The following TIMD4 variants were observed in gnomAD, a reference collection of about 807,000 sequenced individuals.
TIMD4 encodes the protein T-cell immunoglobulin and mucin domain-containing protein 4.
Under a neutral mutation model 41.2 loss-of-function variants are expected in TIMD4, and 31 were observed. That is an observed-to-expected ratio of 0.75 (90% CI 0.57 to 1.01). TIMD4 has a LOEUF of 1.01. Among genes scored for constraint, TIMD4 ranks in the 50% least tolerant of loss-of-function variants. The pLI, the probability that TIMD4 is intolerant of heterozygous loss-of-function variation, is 0.00. For missense variants in TIMD4, 479 were observed against 472.5 expected, an observed-to-expected ratio of 1.01 and a Z score of -0.13; for synonymous variants, 204 against 177.1, an observed-to-expected ratio of 1.15 and a Z score of -1.21.
Position 156,963,212 on chromosome 5 carries a change from C to T in TIMD4, c.-14G>A, listed in dbSNP as rs780895941. 6.6e-5 allele frequency: 106 copies of T among 1,613,896 alleles called. No homozygotes were observed. The highest frequency in any genetic ancestry group is 3.6e-5 in the Non-Finnish European group (43 of 1,179,938). On this transcript the variant is annotated 5_prime_UTR_variant, in exon 1 of 9. Transcript: ENST00000274532. ...TTCTTTGGACATTTTGACGGTTGAC[C>T]GGACCCAGGAGTCTGTCTATCTATC...
intron 5 of TIMD4, among the ~76,000 whole-genome samples, chr5:156,948,202 T>C (rs1414896338): frequency 6.6e-6 from 1 of 151,620 alleles, no homozygotes; most frequent in African/African-American, 2.4e-5. Context: ...AAGCCACTCA[T>C]GAGAACACAG....
intron 5 of TIMD4, among the ~76,000 whole-genome samples, chr5:156,946,567 C>G (rs980898715): frequency 1.3e-5 from 2 of 152,104 alleles, no homozygotes; most frequent in Non-Finnish European, 2.9e-5. Flanking sequence ...AGCTCCGCCT[C>G]CCAGGTTCAC....
chr5:156,948,851 G>C (rs1759796053), intron 4 of TIMD4, among the ~76,000 whole-genome samples: 1 of 152,180 alleles, frequency 6.6e-6, no homozygotes, highest in South Asian at 2.1e-4. Flanking sequence ...GTGTCCCTGT[G>C]CTGTACTATC....
intron 5 of TIMD4, among the ~76,000 whole-genome samples, chr5:156,928,801 A>T (rs1759395717): frequency 6.6e-6 from 1 of 152,184 alleles, no homozygotes; most frequent in Non-Finnish European, 1.5e-5. Context: ...CTCTGCAATT[A>T]TCCCCTAGAG....
chr5:156,951,060 G>T (rs1306708249), intron 3 of TIMD4, among the ~76,000 whole-genome samples: 1 of 151,530 alleles, frequency 6.6e-6, no homozygotes, highest in African/African-American at 2.4e-5. Flanking sequence ...AATAAATTGT[G>T]TCCCCTCAAA....
intron 1 of TIMD4, among the ~76,000 whole-genome samples, chr5:156,961,840 A>AG (rs1753066415): frequency 6.9e-6 from 1 of 144,568 alleles, no homozygotes; most frequent in Admixed American, 6.9e-5. Flanking sequence ...AAAAAAAGAA[A>AG]GAAAAAAAAA....
intron 5 of TIMD4, 87 bp downstream of exon 5, chr5:156,948,329 A>G: frequency 1.2e-6 from 1 of 832,796 alleles, no homozygotes; most frequent in Non-Finnish European, 1.5e-6. Context: ...CTCTACAAAA[A>G]AAAAAAAAAG....
chr5:156,928,690 T>C (rs1053948389), intron 5 of TIMD4, among the ~76,000 whole-genome samples: 3 of 152,208 alleles, frequency 2.0e-5, no homozygotes, highest in Admixed American at 6.5e-5. Context: ...ATCAGAGAGC[T>C]GATTTGTTCA....
chr5:156,935,732 C>A (rs1759526592), intron 5 of TIMD4: 1 of 152,236 alleles, frequency 6.6e-6, no homozygotes, highest in Non-Finnish European at 1.5e-5. Context: ...CCACTAGCAA[C>A]AAAATCTCAT....
intron 1 of TIMD4, among the ~76,000 whole-genome samples, chr5:156,956,266 T>A (rs139147733): frequency 2.4e-4 from 36 of 152,312 alleles, no homozygotes; most frequent in Non-Finnish European, 3.1e-4. Context: ...CTTTGCAGCA[T>A]GTATTTTTTG....
intron 1 of TIMD4, among the ~76,000 whole-genome samples, chr5:156,961,847 A>G (rs1324158097): frequency 2.7e-5 from 4 of 150,376 alleles, no homozygotes; most frequent in Non-Finnish European, 4.4e-5. Flanking sequence ...GAAAGAAAAA[A>G]AAAAAGAAAA....
intron 5 of TIMD4, among the ~76,000 whole-genome samples, chr5:156,926,668 C>T (rs1759354064): frequency 6.6e-6 from 1 of 152,194 alleles, no homozygotes; most frequent in South Asian, 2.1e-4. Context: ...ATTTACTGAG[C>T]ACCTATTATA....
chr5:156,950,856 C>T (rs1285540566), intron 3 of TIMD4, among the ~76,000 whole-genome samples: 1 of 152,198 alleles, frequency 6.6e-6, no homozygotes, highest in Non-Finnish European at 1.5e-5. Context: ...GTGACCTTTC[C>T]TGGTTCTTCA....
intron 1 of TIMD4, among the ~76,000 whole-genome samples, chr5:156,956,665 C>T (rs1204607940): frequency 1.3e-5 from 2 of 152,192 alleles, no homozygotes; most frequent in Non-Finnish European, 2.9e-5. Context: ...AAATGTTAAG[C>T]CCATTGGTTT....
intron 1 of TIMD4, among the ~76,000 whole-genome samples, chr5:156,957,518 A>AAAAAG (rs1554084286): frequency 1.3e-5 from 2 of 151,228 alleles, no homozygotes; most frequent in African/African-American, 4.9e-5. Context: ...ATCTCAAAAA[A>AAAAAG]AAAAAAGAAA....
intron 5 of TIMD4, among the ~76,000 whole-genome samples, chr5:156,929,641 G>T (rs1050713453): frequency 2.0e-5 from 3 of 152,264 alleles, no homozygotes; most frequent in South Asian, 4.1e-4. Context: ...GGCAAGGAAG[G>T]GTTCTCCTTT....
chr5:156,936,016 A>G (rs770408873), intron 5 of TIMD4, among the ~76,000 whole-genome samples: 1 of 152,210 alleles, frequency 6.6e-6, no homozygotes, highest in Non-Finnish European at 1.5e-5. Context: ...AGGCGGCCAG[A>G]TCTCTTGAAC....
intron 1 of TIMD4, among the ~76,000 whole-genome samples, chr5:156,956,354 A>G (rs1392653324): frequency 6.6e-6 from 1 of 152,234 alleles, no homozygotes; most frequent in Non-Finnish European, 1.5e-5. Context: ...GCTGGAGGGT[A>G]AGGTTTACTG....
At chr5:156,930,536 G>T (rs1759427940) in intron 5 of TIMD4, among the ~76,000 whole-genome samples, 1 of 152,208 alleles carries the variant, frequency 6.6e-6, no homozygotes, top group African/African-American at 2.4e-5. Context: ...ACTGAATGTA[G>T]AAAAAGGATA....
Sources: allele counts gnomAD v4.1 joint callset (sites outside exome capture counted in the v4.1 genomes callset), GRCh38; gene constraint gnomAD v4.1.1; transcripts MANE v1.5; gene names NCBI Gene and HGNC (gene_info 2026-07-23, HGNC 2026-07-21).